The following MAL variants were observed in gnomAD, a reference collection of about 807,000 sequenced individuals.
MAL encodes myelin and lymphocyte protein.
A neutral mutation model predicts 16.7 loss-of-function variants in MAL; 5 were observed. The ratio of observed to expected loss-of-function variants is 0.30; its 90% confidence interval spans 0.16 to 0.63. The LOEUF is 0.63. MAL is among the 30% of genes least tolerant of loss of function. MAL has a pLI of 0.82. For missense variants in MAL, 202 were observed against 195.8 expected (o/e 1.03, Z -0.19); for synonymous variants, 96 against 85.5 (o/e 1.12, Z -0.67).
At chr2:95,036,363 T>C (rs1674206113) in intron 1 of MAL, among the ~76,000 whole-genome samples, 1 of 152,208 alleles carries the variant, frequency 6.6e-6, no homozygotes, top group African/African-American at 2.4e-5. Context: ...GCTCTGTACC[T>C]GTCCTGTGTG....
Position 95,025,724 on chromosome 2 carries a change from C to A in MAL, c.-69C>A. ...GCCCAGGCCACTGGGCTCCGCGGAG[C>A]CAGCGAGAGGTCTGCGCGGAGTCTG... On this transcript the variant is annotated 5_prime_UTR_variant, in exon 1 of 4. Transcript: ENST00000309988. This position sits in a 1 kb window ranked among gnomAD's most constrained non-coding sequence, Gnocchi z 5.6. The A allele has an allele frequency of 9.1e-7, 1 of 1,096,654 alleles. No homozygotes were observed. Among genetic ancestry groups the A allele is most frequent in the Non-Finnish European group, 1.2e-6 (1 of 803,510 alleles). The allele number at this position is 1,096,654 out of a possible 1,614,324, so 67.9% of individuals were successfully genotyped here. A position where few individuals can be genotyped will look rare whatever the true frequency, so the allele number is the denominator to read the frequency against.
chr2:95,041,145 G>A (rs995499457), intron 1 of MAL, among the ~76,000 whole-genome samples: 1 of 152,124 alleles, frequency 6.6e-6, no homozygotes, highest in African/African-American at 2.4e-5. Context: ...GCCCTGCAGC[G>A]GAAACACTGG....
intron 1 of MAL, among the ~76,000 whole-genome samples, chr2:95,039,152 G>A (rs1291004308): frequency 1.3e-5 from 2 of 150,980 alleles, no homozygotes; most frequent in Non-Finnish European, 3.0e-5. Flanking sequence ...GAGTGACTGA[G>A]TGACTGAATG....
At chr2:95,031,827 C>A (rs1410655263) in intron 1 of MAL, among the ~76,000 whole-genome samples, 2 of 152,232 alleles carry the variant, frequency 1.3e-5, no homozygotes, top group African/African-American at 4.8e-5. Context: ...CTCTCTTCCT[C>A]TCTAAAGGGA....
At chr2:95,037,093 GTGAGTGGGTGAGTGAGTGAC>G (rs1674237040) in intron 1 of MAL, among the ~76,000 whole-genome samples, 3 of 148,866 alleles carry the variant, frequency 2.0e-5, no homozygotes, top group South Asian at 4.3e-4. Flanking sequence ...GAATGAGTGA[GTGAGTGGGTGAGTGAGTGAC>G]TGAGTGGGTG....
At chr2:95,050,587 T>C (rs989924636) in intron 3 of MAL, among the ~76,000 whole-genome samples, 1 of 152,104 alleles carries the variant, frequency 6.6e-6, no homozygotes, top group Non-Finnish European at 1.5e-5. Flanking sequence ...CAGATAGGCT[T>C]TAGAAATGGG....
rs143484180 is a variant in MAL at position 95,032,536 on chromosome 2, G to A, written c.93+6651G>A. ...GTGCTGATAGGACACCCCAGAGGGT[G>A]TACCCTCCTGGTGTTGATGGGTGTG... On this transcript the variant is annotated intron_variant, in intron 1 of 3. Transcript: ENST00000309988. 6.5e-4 allele frequency among the ~76,000 whole-genome samples: 99 copies of A among 152,340 alleles called. 1 individual carries two copies. The highest frequency in any genetic ancestry group is 2.2e-3 in the African/African-American group (90 of 41,586).
chr2:95,053,587 A>G lies in MAL; in HGVS notation c.*132A>G, dbSNP rs1184247514. ...AAAACAACCACCCCCCCACTGCCCA[A>G]AAAAAAAAGCCCTGCCCTGTTGCTC... On this transcript the variant is annotated 3_prime_UTR_variant, in exon 4 of 4. Transcript: ENST00000309988. 5.9e-6 allele frequency: 4 copies of G among 680,480 alleles called. No homozygotes were observed. Among genetic ancestry groups the G allele is most frequent in the East Asian group, 2.7e-5 (1 of 37,554 alleles). The allele number at this position is 680,480 out of a possible 1,614,324, so 42.2% of individuals were successfully genotyped here. A position where few individuals can be genotyped will look rare whatever the true frequency, so the allele number is the denominator to read the frequency against.
At chr2:95,049,279 TCCAGGA>T (rs1674660356) in intron 2 of MAL, among the ~76,000 whole-genome samples, 1 of 152,208 alleles carries the variant, frequency 6.6e-6, no homozygotes, top group South Asian at 2.1e-4. Flanking sequence ...ACTTCTCAGA[TCCAGGA>T]CCAGCTTTTC....
rs1236159353 is a variant in MAL, at chr2:95,053,651, C to A, written c.*196C>A. 2 of 585,370 alleles carry A rather than the reference C, an allele frequency of 3.4e-6. No homozygotes were observed. Among genetic ancestry groups the A allele is most frequent in the Admixed American group, 6.0e-5 (2 of 33,580 alleles). The allele number at this position is 585,370 out of a possible 1,614,324, so 36.3% of individuals were successfully genotyped here. A position where few individuals can be genotyped will look rare whatever the true frequency, so the allele number is the denominator to read the frequency against. ...TTACTCTCCCGTGTGCCTTCGCGTCCGGGTTGGGAGCTTGCTGTGTCTAAC... is the reference window on the plus strand; with the variant it reads ...TTACTCTCCCGTGTGCCTTCGCGTCAGGGTTGGGAGCTTGCTGTGTCTAAC... On this transcript the variant is annotated 3_prime_UTR_variant, in exon 4 of 4. Coordinates refer to ENST00000309988, the MANE Select transcript of MAL (RefSeq NM_002371.4).
At chr2:95,029,092 A>G (rs1324926951) in intron 1 of MAL, among the ~76,000 whole-genome samples, 1 of 152,246 alleles carries the variant, frequency 6.6e-6, no homozygotes, top group Non-Finnish European at 1.5e-5. Context: ...AATATTTCAA[A>G]TGCCACAGAA....
Position 95,049,569 on chromosome 2 carries a change from T to C in MAL, c.262-12T>C. ...CTCTCCCCATCCCTCTGACACCCCG[T>C]CTGCCCCATAGGACGCAGCCTACCA... On this transcript the variant is annotated splice_polypyrimidine_tract_variant and intron_variant, in intron 2 of 3. Coordinates refer to ENST00000309988, the MANE Select transcript of MAL (RefSeq NM_002371.4). The C allele has an allele frequency of 6.2e-7, 1 of 1,614,066 alleles. No individual in the cohort carries two copies. Among genetic ancestry groups the C allele is most frequent in the Non-Finnish European group, 8.5e-7 (1 of 1,179,942 alleles).
chr2:95,033,981 C>A (rs1233793242), intron 1 of MAL, among the ~76,000 whole-genome samples: 1 of 152,214 alleles, frequency 6.6e-6, no homozygotes, highest in Non-Finnish European at 1.5e-5. Flanking sequence ...ATAGCTACTG[C>A]CCCATAGCTA....
intron 1 of MAL, among the ~76,000 whole-genome samples, chr2:95,038,843 AAT>A (rs1674342794): frequency 9.4e-6 from 1 of 105,946 alleles, no homozygotes; most frequent in African/African-American, 4.1e-5. Flanking sequence ...CAAGTGAGTG[AAT>A]GACCGAGTGA....
At chr2:95,049,749 C>T (rs372222607) in intron 3 of MAL, 43 bp downstream of exon 3, 92 of 1,610,262 alleles carry the variant, frequency 5.7e-5, no homozygotes, top group Admixed American at 1.7e-4. Flanking sequence ...CGGGCGGCTC[C>T]GTGGCTGGCA....
intron 1 of MAL, among the ~76,000 whole-genome samples, chr2:95,046,202 T>C (rs1674581897): frequency 6.6e-6 from 1 of 151,490 alleles, no homozygotes; most frequent in Admixed American, 6.6e-5. Context: ...TGCAGGGAGG[T>C]GGGGGGGTCA....
At chr2:95,037,980 C>CTCAG (rs1674291567) in intron 1 of MAL, among the ~76,000 whole-genome samples, 1 of 76,848 alleles carries the variant, frequency 1.3e-5, no homozygotes. Context: ...GAGTGAGTGA[C>CTCAG]TGAGTGAGTG....
chr2:95,037,147 GAGTA>G (rs1674240011), intron 1 of MAL, among the ~76,000 whole-genome samples: 1 of 151,382 alleles, frequency 6.6e-6, no homozygotes, highest in South Asian at 2.1e-4. Context: ...GTGACTGAGT[GAGTA>G]ACTGAGTGGG....
At chr2:95,032,913 C>T (rs1674120652) in intron 1 of MAL, among the ~76,000 whole-genome samples, 1 of 152,182 alleles carries the variant, frequency 6.6e-6, no homozygotes, top group Non-Finnish European at 1.5e-5. Context: ...TTTTAATGTA[C>T]CCGGGCCCTG....
Sources: gnomAD v4.1 joint callset for allele counts (sites outside exome capture counted in the v4.1 genomes callset) on GRCh38, gnomAD v4.1.1 for gene constraint, Gnocchi (gnomAD v3.1) non-coding constraint, MANE v1.5 for transcripts, NCBI Gene and HGNC (gene_info 2026-07-23, HGNC 2026-07-21) for gene names.